Variants in CRISPLD2 observed in about 807,000 individuals in gnomAD.
The protein encoded by CRISPLD2 is cysteine-rich secretory protein LCCL domain-containing 2.
In CRISPLD2, 47 loss-of-function variants were observed where a neutral mutation model predicts 71.1. That is an observed-to-expected ratio of 0.66 (90% CI 0.52 to 0.84). The LOEUF is 0.84. Ranked by LOEUF, CRISPLD2 falls within the 40% of genes least tolerant of loss-of-function variation. The pLI is 0.00. For synonymous variants in CRISPLD2, 317 were observed against 250.1 expected (o/e 1.27, Z -2.52); for missense variants, 830 against 651.1 (o/e 1.27, Z -2.99).
rs113385875 is a variant in CRISPLD2, at chr16:84,906,293, G to A, written c.1440-295G>A. Among the ~76,000 whole-genome samples the A allele has an allele frequency of 7.9e-5, 12 of 152,192 alleles. 1 individual carries two copies. The highest frequency in any genetic ancestry group is 2.9e-5 in the Non-Finnish European group (2 of 68,012). ...TGAAACCAAGCAGAATTCTCGGAGG[G>A]TGAGTCCAATCCAGACAGACTGGGT... On this transcript the variant is annotated intron_variant, in intron 14 of 14. Transcript: ENST00000262424.
Position 84,872,437 on chromosome 16 carries a change from G to A in CRISPLD2, c.915-5G>A, listed in dbSNP as rs544311455. The A allele has an allele frequency of 2.9e-5, 46 of 1,612,702 alleles. No homozygotes were observed. The highest frequency in any genetic ancestry group is 1.8e-4 in the East Asian group (8 of 44,864). On this transcript the variant is annotated splice_polypyrimidine_tract_variant and splice_region_variant and intron_variant, in intron 8 of 14. Coordinates refer to ENST00000262424, the MANE Select transcript of CRISPLD2 (RefSeq NM_031476.4). Reference sequence around the variant, plus strand: ...CTGAACATCATTTTATTTCTTCCTCGTCAGGTACCAGTGCCCAGCAGGCTG... The same window carrying A: ...CTGAACATCATTTTATTTCTTCCTCATCAGGTACCAGTGCCCAGCAGGCTG...
intron 2 of CRISPLD2, chr16:84,839,667 G>T (rs998158959): frequency 3.9e-5 from 6 of 152,316 alleles, no homozygotes; most frequent in Non-Finnish European, 5.9e-5. Flanking sequence ...TTCCTTCCTG[G>T]CTGGTTTTCC....
At position 84,872,521 on chromosome 16, in the gene CRISPLD2, A is replaced by C; in HGVS notation, c.981+13A>C. 4 of 1,609,378 alleles carry C rather than the reference A, an allele frequency of 2.5e-6. No homozygotes were observed. The highest frequency in any genetic ancestry group is 3.4e-6 in the Non-Finnish European group (4 of 1,176,546). ...GTTCTATGAAAGCGTGAGTGTGGCC[A>C]GTCCTCCTCTCAATGGCTTGTGTGG... On this transcript the variant is annotated intron_variant, in intron 9 of 14. Coordinates refer to ENST00000262424, the MANE Select transcript of CRISPLD2 (RefSeq NM_031476.4).
rs781115960 is a variant in CRISPLD2, at chr16:84,885,812, C to CTTTTTTTTTTT, written c.1306-3406_1306-3396dup. On this transcript the variant is annotated intron_variant, in intron 13 of 14. Transcript: ENST00000262424. Reference sequence around the variant, plus strand: ...TTAATGTGGGAATGTTGGATCCCTTCTTTTTTTTTTTTTTTTTTTTTTGAG... The same window carrying CTTTTTTTTTTT: ...TTAATGTGGGAATGTTGGATCCCTTCTTTTTTTTTTTTTTTTTTTTTTTTTTTTTTTTTGAG... 3.1e-5 allele frequency among the ~76,000 whole-genome samples: 3 copies of CTTTTTTTTTTT among 95,778 alleles called. 1 individual carries two copies. Among genetic ancestry groups the CTTTTTTTTTTT allele is most frequent in the Non-Finnish European group, 2.1e-5 (1 of 48,620 alleles). The allele number at this position is 95,778 out of a possible 152,430, so 62.8% of individuals were successfully genotyped here. A position where few individuals can be genotyped will look rare whatever the true frequency, so the allele number is the denominator to read the frequency against.
intron 14 of CRISPLD2, among the ~76,000 whole-genome samples, chr16:84,899,804 TG>T (rs1364350783): frequency 6.6e-6 from 1 of 152,134 alleles, no homozygotes; most frequent in East Asian, 1.9e-4. Flanking sequence ...CTTGGTTGTT[TG>T]GGGCCCTGAG....
At chr16:84,879,027 G>C (rs1319435515) in intron 12 of CRISPLD2, among the ~76,000 whole-genome samples, 1 of 152,150 alleles carries the variant, frequency 6.6e-6, no homozygotes, top group Non-Finnish European at 1.5e-5. Flanking sequence ...GACAATAGGT[G>C]GTGACCCCAA....
At chr16:84,848,729 C>T (rs1034624184) in intron 3 of CRISPLD2, among the ~76,000 whole-genome samples, 2 of 152,208 alleles carry the variant, frequency 1.3e-5, no homozygotes, top group African/African-American at 4.8e-5. Context: ...GCATGAGCCA[C>T]CATGTTCGGC....
chr16:84,863,293 T>G (rs1182730259), intron 6 of CRISPLD2: 2 of 152,194 alleles, frequency 1.3e-5, no homozygotes, highest in African/African-American at 4.8e-5. Context: ...GTACTTATTT[T>G]TAAATTTTTG....
chr16:84,849,251 C>T (rs1297600509), intron 3 of CRISPLD2, 134 bp from the exon 4 acceptor site: 18 of 874,236 alleles, frequency 2.1e-5, no homozygotes, highest in Middle Eastern at 3.6e-4. Context: ...CCCGGCTGCC[C>T]GTGGCTGCTC....
At chr16:84,888,947 G>T (rs543612008) in intron 13 of CRISPLD2, among the ~76,000 whole-genome samples, 1 of 152,330 alleles carries the variant, frequency 6.6e-6, no homozygotes, top group East Asian at 1.9e-4. Flanking sequence ...TGAAGGCAAG[G>T]TCTTTATCTT....
rs369389521 is a variant in CRISPLD2 at position 84,897,289 on chromosome 16, C to CAAAA, written c.1439+7939_1439+7942dup. On this transcript the variant is annotated intron_variant, in intron 14 of 14. Transcript: ENST00000262424. The stretch of plus-strand genomic sequence containing the variant: ...TGTAATCCCATCTCTACTAAAAATA[C>CAAAA]AAAAAAAAAAAAAAAAGCCGGGCAT... 9.3e-4 allele frequency among the ~76,000 whole-genome samples: 94 copies of CAAAA among 100,668 alleles called. 1 individual carries two copies. Among genetic ancestry groups the CAAAA allele is most frequent in the Admixed American group, 2.4e-3 (23 of 9,516 alleles). 66.0% of individuals were successfully genotyped at this position (100,668 alleles called of 152,430 possible). A position where few individuals can be genotyped will look rare whatever the true frequency, so the allele number is the denominator to read the frequency against.
chr16:84,844,816 C>T (rs774724647), intron 2 of CRISPLD2, among the ~76,000 whole-genome samples: 5 of 152,074 alleles, frequency 3.3e-5, no homozygotes, highest in African/African-American at 4.8e-5. Flanking sequence ...GTGTCGCTGA[C>T]GTGGATAAAG....
At chr16:84,879,551 G>A (rs1383678528) in intron 12 of CRISPLD2, among the ~76,000 whole-genome samples, 1 of 152,030 alleles carries the variant, frequency 6.6e-6, no homozygotes. Flanking sequence ...TAGTAGAGAT[G>A]GGGTTTCACC....
intron 7 of CRISPLD2, among the ~76,000 whole-genome samples, chr16:84,867,904 C>T (rs1239238367): frequency 1.1e-4 from 16 of 152,170 alleles, no homozygotes; most frequent in Non-Finnish European, 1.5e-5. Context: ...AGTTCAGCTC[C>T]CCTTCAGCTC....
At chr16:84,827,017 A>C (rs1447752282) in intron 1 of CRISPLD2, among the ~76,000 whole-genome samples, 5 of 152,032 alleles carry the variant, frequency 3.3e-5, no homozygotes, top group African/African-American at 1.2e-4. Context: ...TTAACATACC[A>C]GGGAAGAGGG....
At chr16:84,861,772 A>T (rs1917388600) in intron 6 of CRISPLD2, among the ~76,000 whole-genome samples, 3 of 152,182 alleles carry the variant, frequency 2.0e-5, no homozygotes, top group African/African-American at 7.2e-5. Context: ...AAAAATAAAT[A>T]GAAAATTAAC....
At chr16:84,824,659 G>A (rs1008087283) in intron 1 of CRISPLD2, among the ~76,000 whole-genome samples, 44 of 152,180 alleles carry the variant, frequency 2.9e-4, no homozygotes, top group African/African-American at 8.9e-4. Context: ...TGGCTGGGAG[G>A]AAGTAACTGT....
At chr16:84,856,877 G>A (rs538078603) in intron 6 of CRISPLD2, among the ~76,000 whole-genome samples, 10 of 152,236 alleles carry the variant, frequency 6.6e-5, no homozygotes, top group Non-Finnish European at 1.2e-4. Context: ...CAGAAGCCAT[G>A]CTGTGTGGAA....
chr16:84,890,353 C>G (rs564405331), intron 14 of CRISPLD2, among the ~76,000 whole-genome samples: 24 of 149,940 alleles, frequency 1.6e-4, no homozygotes, highest in African/African-American at 5.9e-4. Flanking sequence ...AGTGAGACTC[C>G]ATCTCAAAAA....
Sources: allele counts gnomAD v4.1 joint callset (sites outside exome capture counted in the v4.1 genomes callset), GRCh38; gene constraint gnomAD v4.1.1; transcripts MANE v1.5; gene names NCBI Gene and HGNC (gene_info 2026-07-23, HGNC 2026-07-21).